The following CTNNA3 variants were observed in gnomAD, a reference collection of about 807,000 sequenced individuals.
CTNNA3 encodes catenin alpha 3.
CTNNA3 carries 76 observed loss-of-function variants against 95.7 expected under a neutral mutation model. That is an observed-to-expected ratio of 0.79 (90% CI 0.66 to 0.96). CTNNA3 has a LOEUF of 0.96. Ranked by LOEUF, CTNNA3 falls within the 40% of genes least tolerant of loss-of-function variation. The pLI is 0.00. For missense variants in CTNNA3, 1,191 were observed against 1,089.8 expected (o/e 1.09, Z -1.31); for synonymous variants, 431 against 374.4 (o/e 1.15, Z -1.74).
intron 5 of CTNNA3, among the ~76,000 whole-genome samples, chr10:67,252,832 T>C (rs889383425): frequency 6.6e-6 from 1 of 152,180 alleles, no homozygotes; most frequent in African/African-American, 2.4e-5. Context: ...ACATTTTCTG[T>C]TTATGTCTTT....
chr10:66,602,912 T>A (rs913003214), intron 10 of CTNNA3, among the ~76,000 whole-genome samples: 1 of 152,002 alleles, frequency 6.6e-6, no homozygotes, highest in African/African-American at 2.4e-5. Flanking sequence ...ATGATAAAAA[T>A]CTTCAACAAA....
Position 66,705,656 on chromosome 10 carries a change from T to C in CTNNA3, c.1281+60608A>G, listed in dbSNP as rs533068261. The stretch of plus-strand genomic sequence containing the variant: ...ATATAATTGTGTGTTTGTTTAATAC[T>C]CCATCTTTTTTTGGAAGCATAATAT... On this transcript the variant is annotated intron_variant, in intron 9 of 17. Transcript: ENST00000433211. 1.6e-4 allele frequency among the ~76,000 whole-genome samples: 25 copies of C among 152,216 alleles called. No homozygotes were observed. The South Asian group carries it at 2.1e-3, about 13-fold the overall frequency.
intron 10 of CTNNA3, among the ~76,000 whole-genome samples, chr10:66,545,760 C>A (rs1589404344): frequency 6.6e-6 from 1 of 151,846 alleles, no homozygotes; most frequent in African/African-American, 2.4e-5. Context: ...TCGGAGTTAC[C>A]AATAACTAAA....
At chr10:66,715,447 C>G (rs927773102) in intron 9 of CTNNA3, among the ~76,000 whole-genome samples, 1 of 151,786 alleles carries the variant, frequency 6.6e-6, no homozygotes, top group Non-Finnish European at 1.5e-5. Flanking sequence ...TATGCAGGAC[C>G]CAAAGCAATA....
intron 12 of CTNNA3, among the ~76,000 whole-genome samples, chr10:66,323,681 G>A (rs1194978423): frequency 1.3e-5 from 2 of 150,916 alleles, no homozygotes; most frequent in Non-Finnish European, 3.0e-5. Flanking sequence ...AAGAAGAAGA[G>A]GGCAGTTCCC....
chr10:67,672,834 G>A (rs1232392670), intron 1 of CTNNA3, among the ~76,000 whole-genome samples: 5 of 152,128 alleles, frequency 3.3e-5, no homozygotes, highest in African/African-American at 1.2e-4. Flanking sequence ...GATTGACTTG[G>A]CGATGCGGGC....
At chr10:66,631,356 T>A (rs1272224184) in intron 9 of CTNNA3, among the ~76,000 whole-genome samples, 2 of 152,182 alleles carry the variant, frequency 1.3e-5, no homozygotes, top group African/African-American at 2.4e-5. Flanking sequence ...TTCCTATTAA[T>A]TTAAACATGA....
intron 7 of CTNNA3, among the ~76,000 whole-genome samples, chr10:67,137,387 T>C (rs939111990): frequency 6.6e-6 from 1 of 152,182 alleles, no homozygotes; most frequent in Non-Finnish European, 1.5e-5. Context: ...TTTAATTTTG[T>C]TAATTTTAGT....
chr10:66,734,994 A>T (rs983024804), intron 9 of CTNNA3, among the ~76,000 whole-genome samples: 2 of 151,722 alleles, frequency 1.3e-5, no homozygotes, highest in Non-Finnish European at 2.9e-5. Context: ...AAGATGTTCA[A>T]TATTGTCAGC....
intron 1 of CTNNA3, among the ~76,000 whole-genome samples, chr10:67,663,318 T>C (rs765430182): frequency 2.8e-4 from 41 of 146,758 alleles, no homozygotes; most frequent in Middle Eastern, 3.4e-3. Context: ...AAAAAAAAAT[T>C]TCTTTTTATT....
chr10:66,341,260 C>A (rs991317452), intron 12 of CTNNA3, among the ~76,000 whole-genome samples: 3 of 151,838 alleles, frequency 2.0e-5, no homozygotes, highest in African/African-American at 7.2e-5. Context: ...TATAAGCTAT[C>A]AAAACTGCAC....
At chr10:66,249,435 T>C (rs2090462222) in intron 13 of CTNNA3, among the ~76,000 whole-genome samples, 1 of 152,114 alleles carries the variant, frequency 6.6e-6, no homozygotes, top group South Asian at 2.1e-4. Flanking sequence ...GGAAAAAATC[T>C]AATCATCTGA....
At chr10:67,555,867 T>G (rs1251681464) in intron 3 of CTNNA3, among the ~76,000 whole-genome samples, 3 of 152,214 alleles carry the variant, frequency 2.0e-5, no homozygotes, top group Non-Finnish European at 4.4e-5. Context: ...TTTTTGCCCA[T>G]TCAGTATGAT....
intron 11 of CTNNA3, among the ~76,000 whole-genome samples, chr10:66,390,649 G>C (rs758555288): frequency 4.6e-5 from 7 of 152,058 alleles, no homozygotes; most frequent in Non-Finnish European, 1.0e-4. Flanking sequence ...CAAGAATACA[G>C]TAATTTTTCT....
At chr10:67,718,121 G>C (rs1055841639) in intron 1 of CTNNA3, among the ~76,000 whole-genome samples, 1 of 152,250 alleles carries the variant, frequency 6.6e-6, no homozygotes, top group Middle Eastern at 3.4e-3. Context: ...CTTTCTGTCT[G>C]TTATTGGTGT....
intron 7 of CTNNA3, among the ~76,000 whole-genome samples, chr10:66,821,944 T>A (rs1213903820): frequency 1.3e-5 from 2 of 152,088 alleles, no homozygotes; most frequent in Non-Finnish European, 2.9e-5. Flanking sequence ...AGAGTATTTG[T>A]TTCTGTAATT....
intron 5 of CTNNA3, among the ~76,000 whole-genome samples, chr10:67,424,779 T>A (rs375739188): frequency 4.1e-4 from 62 of 152,250 alleles, no homozygotes; most frequent in African/African-American, 1.4e-3. Flanking sequence ...GTAAGTTCCA[T>A]GAACAGAGAT....
chr10:66,903,810 C>A (rs560279718), intron 7 of CTNNA3, among the ~76,000 whole-genome samples: 50 of 152,178 alleles, frequency 3.3e-4, no homozygotes, highest in African/African-American at 1.2e-3. Flanking sequence ...ACCTAGGAAT[C>A]CAACTTACAA....
chr10:66,871,406 C>CA (rs1844396017), intron 7 of CTNNA3, among the ~76,000 whole-genome samples: 3 of 151,438 alleles, frequency 2.0e-5, no homozygotes, highest in Non-Finnish European at 4.4e-5. Context: ...TAAAAACACA[C>CA]AAAAAATTAG....
Sources: gnomAD v4.1 joint callset for allele counts (sites outside exome capture counted in the v4.1 genomes callset) on GRCh38, gnomAD v4.1.1 for gene constraint, MANE v1.5 for transcripts, NCBI Gene and HGNC (gene_info 2026-07-23, HGNC 2026-07-21) for gene names.